BMPR2: variants seen among roughly 807,000 people sequenced by gnomAD.
The protein encoded by BMPR2 is bone morphogenetic protein receptor type 2, also known as bone morphogenetic protein receptor type-2.
In BMPR2, 29 loss-of-function variants were observed where a neutral mutation model predicts 100.8. That is an observed-to-expected ratio of 0.29 (90% confidence interval 0.21 to 0.39). The LOEUF (loss-of-function observed/expected upper bound fraction) is 0.39. Among genes scored for constraint, BMPR2 ranks in the 10% least tolerant of loss-of-function variants. The pLI is 1.00. For synonymous variants in BMPR2, 382 were observed against 442.3 expected (o/e 0.86, Z 1.71); for missense variants, 1,011 against 1,274.5 (o/e 0.79, Z 3.15).
chr2:202,376,462 G>T lies in BMPR2; in HGVS notation c.-1013G>T, dbSNP rs1031907170. Among the ~76,000 whole-genome samples, 2 of 141,548 alleles carry T rather than the reference G, an allele frequency of 1.4e-5. No homozygotes were observed. The highest frequency in any genetic ancestry group is 2.6e-5 in the African/African-American group (1 of 38,362). 92.9% of individuals were successfully genotyped at this position (141,548 alleles called of 152,430 possible). On this transcript the variant is annotated 5_prime_UTR_variant, in exon 1 of 13. Transcript: ENST00000374580. ...CGCCCTCCCGCCGCCCCCCGCCCTC[G>T]GTCCGCGACGCCCGAGTTCCGTCAG...
chr2:202,515,762 G>A (rs372707391), intron 5 of BMPR2, among the ~76,000 whole-genome samples: 1 of 152,000 alleles, frequency 6.6e-6, no homozygotes, highest in Non-Finnish European at 1.5e-5. Flanking sequence ...GGTGGCGCCC[G>A]CCTGTAGTCC....
intron 9 of BMPR2, among the ~76,000 whole-genome samples, chr2:202,533,610 G>A (rs1484238374): frequency 2.0e-5 from 3 of 152,268 alleles, no homozygotes; most frequent in Admixed American, 2.0e-4. Flanking sequence ...GGATCATGAG[G>A]TCAGAAGTTC....
At chr2:202,507,982 G>A (rs1687555792) in intron 3 of BMPR2, among the ~76,000 whole-genome samples, 1 of 151,716 alleles carries the variant, frequency 6.6e-6, no homozygotes, top group African/African-American at 2.4e-5. Context: ...TTATAGGTGT[G>A]AGCCACTGTG....
intron 1 of BMPR2, among the ~76,000 whole-genome samples, chr2:202,378,736 T>A (rs576686381): frequency 3.3e-5 from 5 of 152,338 alleles, no homozygotes; most frequent in Non-Finnish European, 5.9e-5. Context: ...ACTGATATTT[T>A]AATATTTTTA....
At chr2:202,394,090 C>G (rs1278141660) in intron 1 of BMPR2, among the ~76,000 whole-genome samples, 1 of 152,150 alleles carries the variant, frequency 6.6e-6, no homozygotes, top group Non-Finnish European at 1.5e-5. Context: ...TGGCTCATGC[C>G]TGTAATCCCA....
intron 3 of BMPR2, among the ~76,000 whole-genome samples, chr2:202,500,297 C>G (rs899670966): frequency 6.6e-6 from 1 of 152,216 alleles, no homozygotes; most frequent in African/African-American, 2.4e-5. Context: ...TTTCTCCCAC[C>G]TCCTCAGTTG....
rs559883253 is a variant in BMPR2 at position 202,503,929 on chromosome 2, C to T, written c.419-9790C>T. Among the ~76,000 whole-genome samples, 1 of 152,186 alleles carries T rather than the reference C, an allele frequency of 6.6e-6. No individual in the cohort carries two copies. The highest frequency in any genetic ancestry group is 1.5e-5 in the Non-Finnish European group (1 of 68,028). On this transcript the variant is annotated intron_variant, in intron 3 of 12. Transcript: ENST00000374580. The surrounding 1 kb of genome is among the most constrained non-coding windows in gnomAD (Gnocchi z 4.0). ...GTATCTAGCTCAAGGTTTGTAAATACACCAATCAGCACCCTGTGTCTAGCT... is the reference window on the plus strand; with the variant it reads ...GTATCTAGCTCAAGGTTTGTAAATATACCAATCAGCACCCTGTGTCTAGCT...
At position 202,564,035 on chromosome 2, in the gene BMPR2, A is replaced by G. The variant is rs1250571637; in HGVS notation, c.*4089A>G. The G allele has an allele frequency of 5.3e-5, 8 of 152,218 alleles. No homozygotes were observed. Among genetic ancestry groups the G allele is most frequent in the Admixed American group, 5.2e-4 (8 of 15,280 alleles). The allele number at this position is 152,218 out of a possible 1,614,324, so 9.4% of individuals were successfully genotyped here. A position where few individuals can be genotyped will look rare whatever the true frequency, so the allele number is the denominator to read the frequency against. On this transcript the variant is annotated 3_prime_UTR_variant, in exon 13 of 13. Transcript: ENST00000374580. Reference sequence around the variant, plus strand: ...TGTGGGCTTCAGTGGGAATTATCACAAAACATTGGCAAGTATTTTTATTTA... The same window carrying G: ...TGTGGGCTTCAGTGGGAATTATCACGAAACATTGGCAAGTATTTTTATTTA...
At chr2:202,419,490 G>A (rs1691211834) in intron 1 of BMPR2, among the ~76,000 whole-genome samples, 1 of 152,096 alleles carries the variant, frequency 6.6e-6, no homozygotes, top group Admixed American at 6.5e-5. Context: ...CTGAGTAGCT[G>A]GGATTACAGG....
chr2:202,560,201 G>T lies in BMPR2; in HGVS notation c.*255G>T. The T allele has an allele frequency of 4.2e-6, 2 of 477,688 alleles. No homozygotes were observed. The highest frequency in any genetic ancestry group is 7.5e-6 in the Non-Finnish European group (2 of 265,330). 29.6% of individuals were successfully genotyped at this position (477,688 alleles called of 1,614,324 possible). On this transcript the variant is annotated 3_prime_UTR_variant, in exon 13 of 13. Coordinates refer to ENST00000374580, the MANE Select transcript of BMPR2 (RefSeq NM_001204.7). The stretch of plus-strand genomic sequence containing the variant: ...GTTATATTTGTCTGTTATGACCACA[G>T]AGTTATATGTGTGTGTATCAAAAGT...
At chr2:202,548,271 A>G (rs71425947) in intron 10 of BMPR2, among the ~76,000 whole-genome samples, 19,056 of 152,078 alleles carry the variant, frequency 0.13, 1,270 homozygotes, top group Admixed American at 0.14. Context: ...ATACTTTTTC[A>G]TCTGACACAA....
chr2:202,409,449 CTCATG>C (rs1221603069), intron 1 of BMPR2, among the ~76,000 whole-genome samples: 1 of 152,128 alleles, frequency 6.6e-6, no homozygotes, highest in Non-Finnish European at 1.5e-5. Flanking sequence ...GACATGGTGG[CTCATG>C]ACTGTAATCC....
intron 10 of BMPR2, among the ~76,000 whole-genome samples, chr2:202,544,091 G>C (rs554933764): frequency 6.6e-6 from 1 of 151,918 alleles, no homozygotes; most frequent in Admixed American, 6.6e-5. Context: ...GCAGCGAGGC[G>C]AGATCGTGCC....
At position 202,382,019 on chromosome 2, in the gene BMPR2, C is replaced by T. The variant is rs546753065; in HGVS notation, c.76+4469C>T. 1.2e-4 allele frequency among the ~76,000 whole-genome samples: 18 copies of T among 150,090 alleles called. No individual in the cohort carries two copies. In the South Asian group the frequency reaches 2.5e-3, roughly 21 times the overall value. On this transcript the variant is annotated intron_variant, in intron 1 of 12. Transcript: ENST00000374580. Reference sequence around the variant, plus strand: ...CACACCACTTATTTTGGCACCTACTCATAGATTGCTGTGCTGCTGGATATC... The same window carrying T: ...CACACCACTTATTTTGGCACCTACTTATAGATTGCTGTGCTGCTGGATATC...
At chr2:202,499,474 A>G (rs1210715443) in intron 3 of BMPR2, among the ~76,000 whole-genome samples, 2 of 152,158 alleles carry the variant, frequency 1.3e-5, no homozygotes, top group African/African-American at 4.8e-5. Context: ...GGAGTCGTAA[A>G]CATCTGTTGA....
At chr2:202,539,400 C>T (rs1688229099) in intron 9 of BMPR2, among the ~76,000 whole-genome samples, 1 of 151,742 alleles carries the variant, frequency 6.6e-6, no homozygotes, top group African/African-American at 2.4e-5. Context: ...AAAGCACAGT[C>T]AAGGGATACA....
intron 12 of BMPR2, among the ~76,000 whole-genome samples, chr2:202,559,226 C>G (rs1024800302): frequency 6.6e-6 from 1 of 150,382 alleles, no homozygotes; most frequent in South Asian, 2.1e-4. Flanking sequence ...CACTTGAGCC[C>G]GGGAAACAGA....
chr2:202,504,424 G>T (rs1262710952), intron 3 of BMPR2, among the ~76,000 whole-genome samples: 1 of 151,878 alleles, frequency 6.6e-6, no homozygotes, highest in Non-Finnish European at 1.5e-5. Flanking sequence ...AACACTCACC[G>T]CGAAGGTCTG....
At chr2:202,379,838 TTTTCTTTCTTTC>T (rs3044179) in intron 1 of BMPR2, among the ~76,000 whole-genome samples, 4 of 150,346 alleles carry the variant, frequency 2.7e-5, no homozygotes, top group African/African-American at 9.8e-5. Flanking sequence ...TCTTAGAACA[TTTTCTTTCTTTC>T]TTTCTTTCTT....
Sources: gnomAD v4.1 joint callset for allele counts (sites outside exome capture counted in the v4.1 genomes callset) on GRCh38, gnomAD v4.1.1 for gene constraint, Gnocchi (gnomAD v3.1) non-coding constraint, MANE v1.5 for transcripts, NCBI Gene and HGNC (gene_info 2026-07-23, HGNC 2026-07-21) for gene names.